KCNQ4: variants seen among roughly 807,000 people sequenced by gnomAD.
KCNQ4 encodes potassium voltage-gated channel subfamily Q member 4.
In KCNQ4, 31 loss-of-function variants were observed where a neutral mutation model predicts 72.6. The ratio of observed to expected loss-of-function variants is 0.43; its 90% confidence interval spans 0.32 to 0.58. The LOEUF is 0.58. Among genes scored for constraint, KCNQ4 ranks in the 20% least tolerant of loss-of-function variants. The pLI is 0.08. For synonymous variants in KCNQ4, 405 were observed against 403.7 expected, an observed-to-expected ratio of 1.00 and a Z score of -0.04; for missense variants, 869 against 962.6, an observed-to-expected ratio of 0.90 and a Z score of 1.29.
Position 40,818,679 on chromosome 1 carries a change from A to C in KCNQ4, c.707A>C (p.Lys236Thr). The change falls in exon 4 of 14, where the codon AAG becomes ACG. Residue 236 changes from lysine to threonine, a missense_variant and splice_region_variant. Around this residue, in one of 5 missense-constraint regions of KCNQ4, gnomAD observed 179 missense variants for 243.0 expected, o/e 0.74. Transcript: ENST00000347132. ...GGCTCAGTGGTCTACGCGCATAGCA[A>C]GGTGAGGCCTGCAAGCCGCGCGCGG... The part of the protein sequence containing the change: ...LLGSVVYAHS[K>T]ELITAWYIGF... 6.3e-7 allele frequency: 1 copy of C among 1,599,182 alleles called. No homozygotes were observed. The highest frequency in any genetic ancestry group is 8.5e-7 in the Non-Finnish European group (1 of 1,176,396).
chr1:40,801,149 T>G, intron 1 of KCNQ4, among the ~76,000 whole-genome samples: 1 of 127,060 alleles, frequency 7.9e-6, no homozygotes. Context: ...GGGCTGGAAT[T>G]GTGGTGGTCA....
intron 7 of KCNQ4, 74 bp downstream of exon 7, chr1:40,820,334 AC>A: frequency 7.7e-7 from 1 of 1,293,024 alleles, no homozygotes. Context: ...CTGTGTGCTG[AC>A]CCATGTCCCC....
At chr1:40,816,313 T>C (rs1397551262) in intron 1 of KCNQ4, among the ~76,000 whole-genome samples, 1 of 152,166 alleles carries the variant, frequency 6.6e-6, no homozygotes, top group Non-Finnish European at 1.5e-5. Flanking sequence ...CATTCGCCTC[T>C]GCTGTGTCTG....
At chr1:40,785,290 G>C (rs1486464474) in intron 1 of KCNQ4, among the ~76,000 whole-genome samples, 1 of 152,258 alleles carries the variant, frequency 6.6e-6, no homozygotes, top group East Asian at 1.9e-4. Flanking sequence ...CTTGGGGTAC[G>C]GCCTGGCCCA....
chr1:40,795,222 C>A (rs1422321908), intron 1 of KCNQ4, among the ~76,000 whole-genome samples: 1 of 150,282 alleles, frequency 6.7e-6, no homozygotes, highest in East Asian at 2.0e-4. Context: ...CTGCAAAGTG[C>A]TGTGAAGAAC....
chr1:40,786,645 T>C (rs943684261), intron 1 of KCNQ4, among the ~76,000 whole-genome samples: 1 of 152,192 alleles, frequency 6.6e-6, no homozygotes, highest in Non-Finnish European at 1.5e-5. Flanking sequence ...TCTTATGTGC[T>C]CTGTGACGTT....
At chr1:40,800,184 G>C (rs1219129555) in intron 1 of KCNQ4, among the ~76,000 whole-genome samples, 1 of 152,148 alleles carries the variant, frequency 6.6e-6, no homozygotes, top group East Asian at 1.9e-4. Context: ...TATAGCAAAA[G>C]CCCGGAAGAG....
At chr1:40,818,709 CCGAGGG>C in intron 4 of KCNQ4, 29 bp downstream of exon 4, 1 of 1,562,924 alleles carries the variant, frequency 6.4e-7, no homozygotes, top group Non-Finnish European at 8.6e-7. Flanking sequence ...GCGCGGAGAC[CCGAGGG>C]CGTGTCTGGG....
chr1:40,802,280 C>G (rs1647601419), intron 1 of KCNQ4, among the ~76,000 whole-genome samples: 2 of 151,752 alleles, frequency 1.3e-5, no homozygotes, highest in South Asian at 2.1e-4. Context: ...TCGCGTCCCC[C>G]CTCTCCGCCC....
At chr1:40,803,135 T>C (rs74568118) in intron 1 of KCNQ4, among the ~76,000 whole-genome samples, 6,013 of 152,228 alleles carry the variant, frequency 0.04, 395 homozygotes, top group African/African-American at 0.14. Flanking sequence ...AAACTTTCCA[T>C]GTAAATGAAA....
chr1:40,794,933 G>A lies in KCNQ4; in HGVS notation c.314+10526G>A, dbSNP rs1647365309. Among the ~76,000 whole-genome samples the A allele has an allele frequency of 7.6e-6, 1 of 131,324 alleles. No homozygotes were observed. The highest frequency in any genetic ancestry group is 2.8e-4 in the South Asian group (1 of 3,554). The allele number at this position is 131,324 out of a possible 152,430, so 86.2% of individuals were successfully genotyped here. On this transcript the variant is annotated intron_variant, in intron 1 of 13. Coordinates refer to ENST00000347132, the MANE Select transcript of KCNQ4 (RefSeq NM_004700.4). The surrounding 1 kb of genome is among the most constrained non-coding windows in gnomAD (Gnocchi z 4.2). The stretch of plus-strand genomic sequence containing the variant: ...CCTCAGGTCCCGCACTTTGCAGTGA[G>A]GACCAACCCAAGGCTCTTTCCTAAG...
rs553754392 is a variant in KCNQ4, at chr1:40,834,611, CAG to C, written c.1614-353_1614-352del. Among the ~76,000 whole-genome samples the C allele has an allele frequency of 3.1e-3, 461 of 149,310 alleles. 2 individuals carry two copies. The highest frequency in any genetic ancestry group is 4.5e-3 in the Admixed American group (67 of 14,970). ...AAATAAAAATTAAAAAAAAAAAAAA[CAG>C]AGTTATTGATGTGCCTGCCCCACAA... On this transcript the variant is annotated intron_variant, in intron 11 of 13. Coordinates refer to ENST00000347132, the MANE Select transcript of KCNQ4 (RefSeq NM_004700.4).
chr1:40,828,762 G>T (rs924551899), intron 9 of KCNQ4, among the ~76,000 whole-genome samples: 1 of 152,172 alleles, frequency 6.6e-6, no homozygotes, highest in Admixed American at 6.5e-5. Flanking sequence ...TGTGTGCCAG[G>T]TTTTCTTCCA....
At chr1:40,810,392 C>T (rs755526584) in intron 1 of KCNQ4, among the ~76,000 whole-genome samples, 34 of 152,324 alleles carry the variant, frequency 2.2e-4, no homozygotes, top group South Asian at 8.3e-4. Flanking sequence ...GTCATGGCCT[C>T]GTCCATCCCG....
chr1:40,809,182 C>T (rs1647852744), intron 1 of KCNQ4, among the ~76,000 whole-genome samples: 1 of 152,220 alleles, frequency 6.6e-6, no homozygotes, highest in Admixed American at 6.5e-5. Flanking sequence ...GCTTTCCCTC[C>T]CAGCTCTCTG....
rs1558016257 is a variant in KCNQ4 at position 40,820,273 on chromosome 1, C to CG, written c.1041+16dup. The stretch of plus-strand genomic sequence containing the variant: ...CAACCTCATCCAGGTACAAGATGCC[C>CG]GGGAAGAAGCCCTAGGAGCAGGGCC... On this transcript the variant is annotated intron_variant, in intron 7 of 13. Coordinates refer to ENST00000347132, the MANE Select transcript of KCNQ4 (RefSeq NM_004700.4). 1 of 1,586,434 alleles carries CG rather than the reference C, an allele frequency of 6.3e-7. No individual in the cohort carries two copies. Among genetic ancestry groups the CG allele is most frequent in the Non-Finnish European group, 8.6e-7 (1 of 1,165,506 alleles).
At chr1:40,837,488 A>G (rs1460726298) in intron 12 of KCNQ4, among the ~76,000 whole-genome samples, 177 bp from the exon 13 acceptor site, 1 of 152,228 alleles carries the variant, frequency 6.6e-6, no homozygotes, top group Non-Finnish European at 1.5e-5. Flanking sequence ...GAGAACCACC[A>G]GAGCAGGGGC....
rs776995511 is a variant in KCNQ4 at position 40,818,659 on chromosome 1, A to C, written c.687A>C (p.Ser229=). 1.4e-5 allele frequency: 22 copies of C among 1,604,782 alleles called. No homozygotes were observed. The highest frequency in any genetic ancestry group is 1.7e-5 in the Non-Finnish European group (20 of 1,178,756). Residue 229 remains serine (S), a synonymous_variant, in exon 4 of 14, where the codon TCA becomes TCC. Coordinates refer to ENST00000347132, the MANE Select transcript of KCNQ4 (RefSeq NM_004700.4). ...RRGGTWKLLG[S]VVYAHSKELI... is the part of the protein sequence containing the mutation. The stretch of plus-strand genomic sequence containing the variant: ...GCGGCACCTGGAAGCTGCTGGGCTC[A>C]GTGGTCTACGCGCATAGCAAGGTGA...
At chr1:40,805,995 C>T (rs1023649838) in intron 1 of KCNQ4, among the ~76,000 whole-genome samples, 1 of 152,192 alleles carries the variant, frequency 6.6e-6, no homozygotes, top group Non-Finnish European at 1.5e-5. Flanking sequence ...GCGCCCACCA[C>T]CACGCCTGGC....
Sources: allele counts gnomAD v4.1 joint callset (sites outside exome capture counted in the v4.1 genomes callset), GRCh38; gene constraint gnomAD v4.1.1; regional missense constraint gnomAD v4.1.1; non-coding constraint Gnocchi (gnomAD v3.1); transcripts MANE v1.5; gene names NCBI Gene and HGNC (gene_info 2026-07-23, HGNC 2026-07-21).